The following GLT8D2 variants were observed in gnomAD, a reference collection of about 807,000 sequenced individuals.
GLT8D2 encodes glycosyltransferase 8 domain containing 2, also known as glycosyltransferase 8 domain-containing protein 2.
In GLT8D2, 45 loss-of-function variants were observed where a neutral mutation model predicts 44.5. The ratio of observed to expected loss-of-function variants is 1.01; its 90% CI spans 0.80 to 1.30. The LOEUF is 1.30. GLT8D2 is among the 50% of genes most tolerant of loss of function. The probability of loss-of-function intolerance (pLI) is 0.00; values close to 1 mark genes in which losing one functional copy is unlikely to be tolerated. For synonymous variants in GLT8D2, 156 were observed against 157.2 expected (o/e 0.99, Z 0.06); for missense variants, 400 against 430.4 (o/e 0.93, Z 0.62).
intron 4 of GLT8D2, chr12:104,014,245 C>T: frequency 5.7e-6 from 4 of 697,846 alleles, no homozygotes; most frequent in Non-Finnish European, 7.8e-6. Context: ...GTTCCAACTT[C>T]CTGGGGTGCT....
intron 3 of GLT8D2, 121 bp from the exon 4 acceptor site, chr12:104,015,226 T>C (rs1876395113): frequency 1.8e-5 from 12 of 680,172 alleles, no homozygotes; most frequent in Non-Finnish European, 2.8e-5. Flanking sequence ...ATCTGAGACC[T>C]TTCTATAAGC....
At position 104,016,711 on chromosome 12, in the gene GLT8D2, GAAA is replaced by G. The variant is rs1876689942; in HGVS notation, c.20-1609_20-1607del. 1.3e-4 allele frequency among the ~76,000 whole-genome samples: 4 copies of G among 30,640 alleles called. 1 individual carries two copies. The South Asian group carries it at 3.5e-3, about 26-fold the overall frequency. 20.1% of individuals were successfully genotyped at this position (30,640 alleles called of 152,430 possible). ...AGAAAGAAAGAAAGAAAGGGAGAGA[GAAA>G]GAAAGAAAGAAAGAAAGAAAGAAAG... On this transcript the variant is annotated intron_variant, in intron 3 of 10. Coordinates refer to ENST00000360814, the MANE Select transcript of GLT8D2 (RefSeq NM_001384711.1).
chr12:103,993,568 A>G (rs1471776329), intron 9 of GLT8D2, 64 bp from the exon 10 acceptor site: 1 of 1,004,882 alleles, frequency 1.0e-6, no homozygotes, highest in African/African-American at 1.6e-5. Context: ...ATAAAGTCGA[A>G]TCTGATATTG....
At chr12:104,046,336 C>T (rs528872680) in intron 1 of GLT8D2, among the ~76,000 whole-genome samples, 2 of 152,300 alleles carry the variant, frequency 1.3e-5, no homozygotes, top group Admixed American at 6.5e-5. Context: ...TATTCATTCA[C>T]GGATTATCAC....
At chr12:104,042,780 A>T (rs1880697776) in intron 1 of GLT8D2, among the ~76,000 whole-genome samples, 1 of 152,210 alleles carries the variant, frequency 6.6e-6, no homozygotes, top group Admixed American at 6.5e-5. Flanking sequence ...AACAAAAAAA[A>T]TCACACACAC....
intron 4 of GLT8D2, among the ~76,000 whole-genome samples, chr12:104,012,237 C>A (rs1049302176): frequency 2.1e-5 from 3 of 142,642 alleles, no homozygotes; most frequent in Non-Finnish European, 4.6e-5. Context: ...TATTTAAAAA[C>A]CAAAATGGAA....
At chr12:104,034,264 C>T (rs1247133768) in intron 1 of GLT8D2, among the ~76,000 whole-genome samples, 1 of 152,216 alleles carries the variant, frequency 6.6e-6, no homozygotes, top group African/African-American at 2.4e-5. Context: ...AACTGAGGTA[C>T]CTCGTTCATC....
At chr12:104,021,921 GAAGAA>G (rs1566202312) in intron 1 of GLT8D2, among the ~76,000 whole-genome samples, 1,437 of 28,896 alleles carry the variant, frequency 0.05, 106 homozygotes, top group East Asian at 0.11. Flanking sequence ...AGAAGAAGAA[GAAGAA>G]GAAGAAGAAG....
rs1186022218 is a variant in GLT8D2, at chr12:103,994,514, A to C, written c.601-13T>G. 6.3e-7 allele frequency: 1 copy of C among 1,588,582 alleles called. No homozygotes were observed. ...CCATATATGTGTTCTGTAAGGGAACAGGATGTGCATGCTTTTGACCAGCGA... is the reference window on the plus strand; with the variant it reads ...CCATATATGTGTTCTGTAAGGGAACCGGATGTGCATGCTTTTGACCAGCGA... On this transcript the variant is annotated splice_polypyrimidine_tract_variant and intron_variant, in intron 8 of 10. Coordinates refer to ENST00000360814, the MANE Select transcript of GLT8D2 (RefSeq NM_001384711.1).
chr12:103,999,656 T>A, intron 5 of GLT8D2, 142 bp from the exon 6 acceptor site: 1 of 606,482 alleles, frequency 1.6e-6, no homozygotes, highest in East Asian at 2.7e-5. Flanking sequence ...GTCCAATAAA[T>A]CCCTCTGACT....
intron 10 of GLT8D2, 43 bp downstream of exon 10, chr12:103,993,349 T>G (rs770341920): frequency 4.2e-6 from 6 of 1,430,522 alleles, no homozygotes; most frequent in Non-Finnish European, 5.9e-6. Flanking sequence ...AAAAATAAAA[T>G]GGACATTTGC....
At chr12:104,043,947 A>C (rs942696925) in intron 1 of GLT8D2, among the ~76,000 whole-genome samples, 1 of 152,224 alleles carries the variant, frequency 6.6e-6, no homozygotes, top group African/African-American at 2.4e-5. Flanking sequence ...TGACTATATT[A>C]TTCTGCCTTT....
intron 10 of GLT8D2, among the ~76,000 whole-genome samples, chr12:103,992,227 A>C (rs1046016849): frequency 5.3e-5 from 8 of 152,182 alleles, no homozygotes; most frequent in Non-Finnish European, 2.9e-5. Context: ...AACCTGCCCC[A>C]AATCATAGTT....
At position 103,989,474 on chromosome 12, in the gene GLT8D2, G is replaced by A. The variant is rs140349477; in HGVS notation, c.984C>T (p.Asn328=). 3.5e-5 allele frequency: 56 copies of A among 1,613,596 alleles called. No homozygotes were observed. In the African/African-American group the frequency reaches 4.9e-4, roughly 14 times the overall value. ...HKPWDFPSVH[N]DLWESWFVPD... is the part of the protein sequence containing the mutation. ...GAACAAACCAGCTTTCCCATAAGTC[G>A]TTGTGAACACTAGGGAAGTCCCAAG... is the stretch of plus-strand genomic sequence containing the variant. Residue 328 remains asparagine (N), a synonymous_variant, in exon 11 of 11, where the codon AAC becomes AAT. Transcript: ENST00000360814.
At chr12:103,998,738 G>T (rs1275781099) in intron 6 of GLT8D2, among the ~76,000 whole-genome samples, 1 of 151,952 alleles carries the variant, frequency 6.6e-6, no homozygotes, top group East Asian at 1.9e-4. Context: ...GTATAAACAG[G>T]GTCTCAATAT....
intron 1 of GLT8D2, among the ~76,000 whole-genome samples, chr12:104,045,927 GAAAGAAAGAAAA>G (rs1396889296): frequency 2.1e-5 from 3 of 145,134 alleles, no homozygotes; most frequent in African/African-American, 7.7e-5. Flanking sequence ...AAGAAAGAAA[GAAAGAAAGAAAA>G]AGAAAGAAAG....
intron 1 of GLT8D2, among the ~76,000 whole-genome samples, chr12:104,037,824 C>G (rs1458071997): frequency 1.3e-5 from 2 of 152,198 alleles, no homozygotes; most frequent in Non-Finnish European, 2.9e-5. Flanking sequence ...ATACCAAAGT[C>G]TGGCAGAGAC....
intron 7 of GLT8D2, 107 bp downstream of exon 7, chr12:103,997,344 C>A: frequency 1.2e-6 from 1 of 809,880 alleles, no homozygotes; most frequent in South Asian, 1.5e-5. Context: ...CTTAAATAAG[C>A]AGTCAAAACT....
rs68019401 is a variant in GLT8D2 at position 104,045,937 on chromosome 12, A to AAGAAAGAAAGAAAGAG, written c.-164+3957_-164+3958insCTCTTTCTTTCTTTCT. 1.6e-3 allele frequency among the ~76,000 whole-genome samples: 182 copies of AAGAAAGAAAGAAAGAG among 113,638 alleles called. 3 individuals are homozygous for AAGAAAGAAAGAAAGAG. The highest frequency in any genetic ancestry group is 0.012 in the East Asian group (47 of 3,874). The allele number at this position is 113,638 out of a possible 152,430, so 74.6% of individuals were successfully genotyped here. Reference sequence around the variant, plus strand: ...AAAGAAAGAAAGAAAGAAAGAAAGAAAAAGAAAGAAAGAAAGAAAATAAGA... The same window carrying AAGAAAGAAAGAAAGAG: ...AAAGAAAGAAAGAAAGAAAGAAAGAAAGAAAGAAAGAAAGAGAAAGAAAGAAAGAAAGAAAATAAGA... On this transcript the variant is annotated intron_variant, in intron 1 of 10. Transcript: ENST00000360814.
Sources: allele counts gnomAD v4.1 joint callset (sites outside exome capture counted in the v4.1 genomes callset), GRCh38; gene constraint gnomAD v4.1.1; transcripts MANE v1.5; gene names NCBI Gene and HGNC (gene_info 2026-07-23, HGNC 2026-07-21).